Variants in EVA1C observed in about 807,000 individuals in gnomAD.
EVA1C encodes eva-1 homolog C.
In EVA1C, 25 loss-of-function variants were observed where a neutral mutation model predicts 45.4. The observed-to-expected ratio is 0.55, with a 90% CI of 0.40 to 0.77. The LOEUF (loss-of-function observed/expected upper bound fraction) is 0.77. EVA1C is among the 30% of genes least tolerant of loss of function. The pLI is 0.00. For missense variants in EVA1C, 479 were observed against 554.8 expected (o/e 0.86, Z 1.37); for synonymous variants, 190 against 221.2 (o/e 0.86, Z 1.25).
At chr21:32,444,881 C>T (rs768372734) in intron 1 of EVA1C, among the ~76,000 whole-genome samples, 4 of 149,724 alleles carry the variant, frequency 2.7e-5, no homozygotes. Flanking sequence ...GAAGGAAACA[C>T]GTGAAAGATC....
chr21:32,507,889 CTG>C (rs2037816408), intron 7 of EVA1C, among the ~76,000 whole-genome samples: 1 of 142,428 alleles, frequency 7.0e-6, no homozygotes, highest in African/African-American at 2.7e-5. Context: ...GCATGTGTAT[CTG>C]TGCATGTGTG....
chr21:32,467,873 G>A (rs1346852899), intron 4 of EVA1C, 25 bp downstream of exon 4: 3 of 1,563,734 alleles, frequency 1.9e-6, no homozygotes, highest in Non-Finnish European at 2.6e-6. Flanking sequence ...GTGTGTATTA[G>A]CCAGGGTTCT....
chr21:32,434,631 A>AATAT (rs1169978156), intron 1 of EVA1C, among the ~76,000 whole-genome samples: 1 of 124,968 alleles, frequency 8.0e-6, no homozygotes, highest in Non-Finnish European at 1.7e-5. Flanking sequence ...TAAATAAATA[A>AATAT]AATTTTATAT....
chr21:32,479,877 A>G, intron 4 of EVA1C, among the ~76,000 whole-genome samples: 1 of 151,080 alleles, frequency 6.6e-6, no homozygotes, highest in Non-Finnish European at 1.5e-5. Context: ...TGTTAGCCTT[A>G]AGGAATATGG....
At chr21:32,494,128 C>T (rs907908459) in intron 4 of EVA1C, among the ~76,000 whole-genome samples, 4 of 152,120 alleles carry the variant, frequency 2.6e-5, no homozygotes, top group East Asian at 3.9e-4. Flanking sequence ...TCTGATGGTA[C>T]TTAGCACAGT....
Position 32,495,026 on chromosome 21 carries a change from G to T in EVA1C, c.635-1G>T, listed in dbSNP as rs2037297413. On this transcript the variant is annotated splice_acceptor_variant, in intron 4 of 7. Coordinates refer to ENST00000300255, the MANE Select transcript of EVA1C (RefSeq NM_058187.5). LOFTEE classifies it high-confidence loss of function. ...AGTTCTGGGTGTTTCCTGCCTTTCA[G>T]ATTGCTTGTCTTACTCAGCTTTGCA... 6.2e-7 allele frequency: 1 copy of T among 1,613,540 alleles called. No homozygotes were observed. The highest frequency in any genetic ancestry group is 8.5e-7 in the Non-Finnish European group (1 of 1,179,780).
At chr21:32,453,047 G>A (rs2035640937) in intron 1 of EVA1C, 2 of 398,918 alleles carry the variant, frequency 5.0e-6, no homozygotes, top group South Asian at 1.4e-4. Flanking sequence ...CCCATGGGTG[G>A]AGCCCTCGCC....
intron 1 of EVA1C, among the ~76,000 whole-genome samples, chr21:32,451,329 C>G (rs2035571507): frequency 6.6e-6 from 1 of 152,158 alleles, no homozygotes; most frequent in Non-Finnish European, 1.5e-5. Context: ...AAGTCCCTGG[C>G]TCTCCTCCCA....
chr21:32,500,190 A>ATTTTTTTTTTT (rs538897939), intron 5 of EVA1C, among the ~76,000 whole-genome samples: 1 of 91,096 alleles, frequency 1.1e-5, no homozygotes, highest in Non-Finnish European at 2.0e-5. Flanking sequence ...TAACCACCCT[A>ATTTTTTTTTTT]TTTTTTTTTT....
At chr21:32,497,325 T>C (rs1276007596) in intron 5 of EVA1C, 1 of 605,018 alleles carries the variant, frequency 1.7e-6, no homozygotes, top group East Asian at 3.9e-5. Context: ...AGGTGGACTT[T>C]TTTAATGGGT....
intron 4 of EVA1C, among the ~76,000 whole-genome samples, chr21:32,478,937 C>T (rs1279972885): frequency 6.6e-6 from 1 of 152,276 alleles, no homozygotes; most frequent in Admixed American, 6.5e-5. Context: ...AGCCAAAGAT[C>T]GAGGTGCCAG....
chr21:32,417,283 G>C (rs1457572362), intron 1 of EVA1C, among the ~76,000 whole-genome samples: 1 of 152,240 alleles, frequency 6.6e-6, no homozygotes, highest in Non-Finnish European at 1.5e-5. Flanking sequence ...CACAGTTCTG[G>C]AGGCTAGAAG....
chr21:32,503,256 A>T (rs2146441817), intron 6 of EVA1C, among the ~76,000 whole-genome samples: 1 of 152,280 alleles, frequency 6.6e-6, no homozygotes, highest in East Asian at 1.9e-4. Flanking sequence ...TTAAAGTGAA[A>T]TATTATTGGC....
At chr21:32,506,066 C>T (rs2037712955) in intron 7 of EVA1C, among the ~76,000 whole-genome samples, 1 of 151,982 alleles carries the variant, frequency 6.6e-6, no homozygotes, top group Admixed American at 6.6e-5. Context: ...GCAACCACCT[C>T]CCCACTCTGA....
At position 32,437,841 on chromosome 21, in the gene EVA1C, T is replaced by C. The variant is rs570831114; in HGVS notation, c.161-15471T>C. ...TAACTTGTCCTTAAGGCCAGGGCCA[T>C]AGTGGGTCTTCTTGGTGACGAATGA... On this transcript the variant is annotated intron_variant, in intron 1 of 7. Coordinates refer to ENST00000300255, the MANE Select transcript of EVA1C (RefSeq NM_058187.5). Among the ~76,000 whole-genome samples the C allele has an allele frequency of 1.2e-4, 18 of 152,322 alleles. No individual in the cohort carries two copies. The East Asian group carries it at 2.7e-3, about 23-fold the overall frequency.
chr21:32,511,419 C>CAAA lies in EVA1C; in HGVS notation c.950-3375_950-3373dup, dbSNP rs749141703. ...TGGGCAACTGAGCAAAACTCCGTCT[C>CAAA]AAAAAAAAAAAAAAAAAAAAAAGAA... On this transcript the variant is annotated intron_variant, in intron 7 of 7. Coordinates refer to ENST00000300255, the MANE Select transcript of EVA1C (RefSeq NM_058187.5). Among the ~76,000 whole-genome samples, 251 of 46,942 alleles carry CAAA rather than the reference C, an allele frequency of 5.3e-3. 3 individuals are homozygous for CAAA. The highest frequency in any genetic ancestry group is 7.7e-3 in the African/African-American group (87 of 11,330). 30.8% of individuals were successfully genotyped at this position (46,942 alleles called of 152,430 possible).
intron 1 of EVA1C, among the ~76,000 whole-genome samples, chr21:32,433,905 T>C (rs1305327333): frequency 6.6e-6 from 1 of 152,082 alleles, no homozygotes; most frequent in African/African-American, 2.4e-5. Flanking sequence ...ATGCCTGCAA[T>C]CCTAGCACTT....
chr21:32,434,296 A>AAAT (rs1601243151), intron 1 of EVA1C, among the ~76,000 whole-genome samples: 1 of 134,478 alleles, frequency 7.4e-6, no homozygotes, highest in Non-Finnish European at 1.7e-5. Flanking sequence ...ATTCTGTCTC[A>AAAT]AAATAAATAA....
chr21:32,428,962 A>G (rs533303473), intron 1 of EVA1C, among the ~76,000 whole-genome samples: 16 of 152,170 alleles, frequency 1.1e-4, no homozygotes, highest in South Asian at 6.2e-4. Context: ...CAGGGCATTC[A>G]GGGTCCAAGG....
Sources: gnomAD v4.1 joint callset for allele counts (sites outside exome capture counted in the v4.1 genomes callset) on GRCh38, gnomAD v4.1.1 for gene constraint, MANE v1.5 for transcripts, NCBI Gene and HGNC (gene_info 2026-07-23, HGNC 2026-07-21) for gene names.